The following AFDN variants were observed in gnomAD, a reference collection of about 807,000 sequenced individuals.
AFDN encodes the protein afadin, adherens junction formation factor.
A neutral mutation model predicts 216.6 loss-of-function variants in AFDN; 68 were observed. The observed-to-expected ratio is 0.31, with a 90% confidence interval of 0.26 to 0.38. The LOEUF (loss-of-function observed/expected upper bound fraction) is 0.38. Ranked by LOEUF, AFDN falls within the 10% of genes least tolerant of loss-of-function variation. The probability of loss-of-function intolerance (pLI) is 1.00; values close to 1 mark genes in which losing one functional copy is unlikely to be tolerated. For missense variants in AFDN, 2,136 were observed against 2,342.0 expected (o/e 0.91, Z 1.82); for synonymous variants, 868 against 853.7 (o/e 1.02, Z -0.29).
In AFDN at chr6:167,902,300, T is replaced by C. The variant is rs772128598; in HGVS notation, c.1581-17T>C. ...GAATGTTATTAAGTCAGTGTGTTTCTTGTTTTATCCCATCAGAATTGTTCA... is the reference window on the plus strand; with the variant it reads ...GAATGTTATTAAGTCAGTGTGTTTCCTGTTTTATCCCATCAGAATTGTTCA... On this transcript the variant is annotated splice_polypyrimidine_tract_variant and intron_variant, in intron 11 of 33. Transcript: ENST00000683244. 1 of 1,593,868 alleles carries C rather than the reference T, an allele frequency of 6.3e-7. No homozygotes were observed. Among genetic ancestry groups the C allele is most frequent in the South Asian group, 1.1e-5 (1 of 90,416 alleles).
intron 15 of AFDN, chr6:167,911,957 C>G (rs1054771144): frequency 5.7e-6 from 1 of 176,306 alleles, no homozygotes; most frequent in African/African-American, 2.4e-5. Flanking sequence ...CCCCCGTTCC[C>G]TGGTAACGCC....
chr6:167,944,965 C>T (rs1454411345), intron 26 of AFDN, among the ~76,000 whole-genome samples: 1 of 151,874 alleles, frequency 6.6e-6, no homozygotes, highest in Non-Finnish European at 1.5e-5. Context: ...TTAAGCTACA[C>T]TAAATTTACA....
In AFDN at chr6:167,931,597, T is replaced by A. The variant is rs563667337; in HGVS notation, c.3099+6506T>A. The stretch of plus-strand genomic sequence containing the variant: ...TGGCATACTGGATTACTAAATACAG[T>A]CCATTTTTTTTCCAGTTTACTTGTA... On this transcript the variant is annotated intron_variant, in intron 23 of 33. Coordinates refer to ENST00000683244, the MANE Select transcript of AFDN (RefSeq NM_001386888.1). 7.9e-5 allele frequency among the ~76,000 whole-genome samples: 12 copies of A among 152,180 alleles called. No individual in the cohort carries two copies. The South Asian group carries it at 2.5e-3, about 32-fold the overall frequency.
intron 1 of AFDN, among the ~76,000 whole-genome samples, chr6:167,853,592 G>A (rs1046426960): frequency 2.0e-5 from 3 of 152,098 alleles, no homozygotes; most frequent in African/African-American, 7.2e-5. Context: ...GAAACTGTGT[G>A]ATAAAGTACA....
chr6:167,965,671 G>T, intron 31 of AFDN, 86 bp from the exon 32 acceptor site: 2 of 1,258,274 alleles, frequency 1.6e-6, no homozygotes, highest in South Asian at 3.2e-5. Flanking sequence ...GTGTGATGAT[G>T]AGGATTGTTC....
intron 9 of AFDN, 36 bp downstream of exon 9, chr6:167,893,942 G>A (rs1787921850): frequency 2.0e-6 from 3 of 1,471,842 alleles, no homozygotes; most frequent in African/African-American, 1.4e-5. Context: ...TATAACTAAA[G>A]CACTAATAGA....
At position 167,970,737 on chromosome 6, in the gene AFDN, C is replaced by T. The variant is rs1484427989; in HGVS notation, c.*802C>T. 2 of 217,300 alleles carry T rather than the reference C, an allele frequency of 9.2e-6. No individual in the cohort carries two copies. Among genetic ancestry groups the T allele is most frequent in the East Asian group, 1.4e-4 (2 of 14,672 alleles). The allele number at this position is 217,300 out of a possible 1,614,324, so 13.5% of individuals were successfully genotyped here. On this transcript the variant is annotated 3_prime_UTR_variant, in exon 34 of 34. Coordinates refer to ENST00000683244, the MANE Select transcript of AFDN (RefSeq NM_001386888.1). ...AAGATGACAGTTACCTTGGAAAGTT[C>T]ACTAATACTTCGCTCCAAGGCGTCT...
chr6:167,902,469 C>T, intron 12 of AFDN, 83 bp downstream of exon 12: 3 of 1,038,898 alleles, frequency 2.9e-6, no homozygotes, highest in East Asian at 2.5e-5. Flanking sequence ...GGGATGTGTT[C>T]CCCTTATTTG....
intron 1 of AFDN, among the ~76,000 whole-genome samples, chr6:167,828,191 T>G (rs1343176758): frequency 6.6e-6 from 1 of 152,236 alleles, no homozygotes; most frequent in Non-Finnish European, 1.5e-5. Flanking sequence ...ATAGCGTCTA[T>G]TTTTGATTTG....
chr6:167,889,745 G>A (rs1053604295), intron 7 of AFDN, among the ~76,000 whole-genome samples: 25 of 152,174 alleles, frequency 1.6e-4, no homozygotes, highest in Admixed American at 1.6e-3. Flanking sequence ...AGTCTCATGT[G>A]TTAGACACTG....
At chr6:167,841,714 T>G (rs751219809) in intron 1 of AFDN, among the ~76,000 whole-genome samples, 5 of 152,226 alleles carry the variant, frequency 3.3e-5, no homozygotes, top group Non-Finnish European at 7.3e-5. Flanking sequence ...ATCTGTGATG[T>G]CCATAATATA....
At chr6:167,888,193 C>CT (rs1343924044) in intron 6 of AFDN, among the ~76,000 whole-genome samples, 2 of 152,226 alleles carry the variant, frequency 1.3e-5, no homozygotes, top group African/African-American at 4.8e-5. Flanking sequence ...ATATGAAACA[C>CT]TATGAAGAAA....
intron 2 of AFDN, among the ~76,000 whole-genome samples, chr6:167,868,269 A>C: frequency 6.6e-6 from 1 of 152,134 alleles, no homozygotes; most frequent in East Asian, 1.9e-4. Context: ...ATCAAAGCTG[A>C]ATGTGGTAGC....
At chr6:167,893,765 C>A in intron 8 of AFDN, 97 bp from the exon 9 acceptor site, 1 of 896,738 alleles carries the variant, frequency 1.1e-6, no homozygotes. Context: ...TCACCCTCTG[C>A]GTCTCTTCTC....
Position 167,951,581 on chromosome 6 carries a change from G to C in AFDN, c.4227G>C (p.Ala1409=). ...PSANQIGLPS[A]QVAAAERRKR... is the part of the protein sequence containing the mutation. The stretch of plus-strand genomic sequence containing the variant: ...CCAACCAGATAGGGCTGCCGTCTGC[G>C]CAGGTGGCTGCTGCTGAACGGAGAA... The change falls in exon 30 of 34, where the codon GCG becomes GCC. Residue 1409 remains alanine, a synonymous_variant. Transcript: ENST00000683244. This position sits in a 1 kb window ranked among gnomAD's most constrained non-coding sequence, Gnocchi z 7.1. 1 of 1,614,040 alleles carries C rather than the reference G, an allele frequency of 6.2e-7. No homozygotes were observed. The highest frequency in any genetic ancestry group is 8.5e-7 in the Non-Finnish European group (1 of 1,180,004).
chr6:167,854,033 C>T (rs1271119241), intron 1 of AFDN, among the ~76,000 whole-genome samples: 1 of 151,968 alleles, frequency 6.6e-6, no homozygotes, highest in Admixed American at 6.6e-5. Context: ...TCTAATTTTA[C>T]CAAATGTTGC....
At chr6:167,838,329 C>CTCGCTATT (rs1210017070) in intron 1 of AFDN, among the ~76,000 whole-genome samples, 1 of 152,020 alleles carries the variant, frequency 6.6e-6, no homozygotes, top group Non-Finnish European at 1.5e-5. Flanking sequence ...ATCTCGCCAT[C>CTCGCTATT]TCGCTTAGTC....
At chr6:167,838,304 G>A in intron 1 of AFDN, among the ~76,000 whole-genome samples, 1 of 126,310 alleles carries the variant, frequency 7.9e-6, no homozygotes, top group Non-Finnish European at 1.7e-5. Context: ...GGAGATCGTT[G>A]TGCCTGCTCA....
At chr6:167,829,710 G>A (rs554452021) in intron 1 of AFDN, among the ~76,000 whole-genome samples, 2 of 151,954 alleles carry the variant, frequency 1.3e-5, no homozygotes, top group East Asian at 3.9e-4. Flanking sequence ...ATAAGTATCT[G>A]TTTTCAAATT....
Sources: allele counts gnomAD v4.1 joint callset (sites outside exome capture counted in the v4.1 genomes callset), GRCh38; gene constraint gnomAD v4.1.1; non-coding constraint Gnocchi (gnomAD v3.1); transcripts MANE v1.5; gene names NCBI Gene and HGNC (gene_info 2026-07-23, HGNC 2026-07-21).